Variants in C2orf92 observed in about 807,000 individuals in gnomAD.
C2orf92 encodes the protein uncharacterized protein C2orf92.
chr2:97,701,110 C>T (rs1005549940), intron 6 of C2orf92, 44 bp from the exon 7 acceptor site: 23 of 398,070 alleles, frequency 5.8e-5, no homozygotes, highest in African/African-American at 3.9e-4. Flanking sequence ...GTGGGTAGCC[C>T]GGTGGGTATC....
At chr2:97,689,652 T>C (rs1676065535) in intron 4 of C2orf92, among the ~76,000 whole-genome samples, 1 of 152,170 alleles carries the variant, frequency 6.6e-6, no homozygotes, top group African/African-American at 2.4e-5. Flanking sequence ...GTGTTGGTAT[T>C]CTGCAGACAG....
At chr2:97,671,466 A>C (rs1299632850) in intron 1 of C2orf92, 1 of 398,480 alleles carries the variant, frequency 2.5e-6, no homozygotes, top group Admixed American at 4.4e-5. Flanking sequence ...CTCAAATTCA[A>C]AAAATCCTGA....
intron 3 of C2orf92, among the ~76,000 whole-genome samples, chr2:97,683,572 A>G (rs1675855295): frequency 6.6e-6 from 1 of 151,992 alleles, no homozygotes; most frequent in African/African-American, 2.4e-5. Context: ...AAATTGCCCA[A>G]AGTGATCTGC....
At chr2:97,687,127 G>A (rs1158399376) in intron 3 of C2orf92, among the ~76,000 whole-genome samples, 2 of 151,432 alleles carry the variant, frequency 1.3e-5, no homozygotes, top group African/African-American at 4.9e-5. Flanking sequence ...CACTTTGCAA[G>A]GCTGAGGTGG....
At chr2:97,669,596 ACCAGCATAGCCC>A, upstream of C2orf92, 1 of 388,558 alleles carries the variant, frequency 2.6e-6, no homozygotes, top group Non-Finnish European at 4.5e-6. Flanking sequence ...CTTCAGGGCC[ACCAGCATAGCCC>A]CCGTCACTGT....
chr2:97,674,765 A>G (rs921301737), intron 2 of C2orf92, among the ~76,000 whole-genome samples: 1 of 152,170 alleles, frequency 6.6e-6, no homozygotes, highest in East Asian at 1.9e-4. Context: ...CAGTGTGAAT[A>G]TCCCTGTATT....
At chr2:97,679,287 AAAT>A (rs1191867261) in intron 3 of C2orf92, among the ~76,000 whole-genome samples, 2 of 152,206 alleles carry the variant, frequency 1.3e-5, no homozygotes, top group African/African-American at 4.8e-5. Context: ...TGAATGCATG[AAAT>A]AATAATTACA....
intron 1 of C2orf92, among the ~76,000 whole-genome samples, chr2:97,672,859 C>T (rs941592244): frequency 6.6e-6 from 1 of 151,956 alleles, no homozygotes; most frequent in Non-Finnish European, 1.5e-5. Flanking sequence ...TGGAAACCAC[C>T]GAGGACCAAC....
chr2:97,700,509 TC>T (rs1456297723), intron 6 of C2orf92, among the ~76,000 whole-genome samples: 1 of 152,214 alleles, frequency 6.6e-6, no homozygotes, highest in Non-Finnish European at 1.5e-5. Context: ...TGAGCTCTCC[TC>T]TGTTCTTCTC....
At chr2:97,697,423 A>T (rs1237554007) in intron 5 of C2orf92, 1 of 152,148 alleles carries the variant, frequency 6.6e-6, no homozygotes, top group Admixed American at 6.5e-5. Context: ...CAGGTCTACC[A>T]TTGCTGCAGC....
intron 1 of C2orf92, chr2:97,671,224 G>A: frequency 2.8e-6 from 1 of 356,780 alleles, no homozygotes; most frequent in Non-Finnish European, 5.0e-6. Flanking sequence ...GGCCAGGCTG[G>A]TCATGAACTC....
At chr2:97,672,845 C>T (rs980115472) in intron 1 of C2orf92, among the ~76,000 whole-genome samples, 7 of 151,832 alleles carry the variant, frequency 4.6e-5, no homozygotes, top group African/African-American at 1.7e-4. Context: ...TTACATCAAG[C>T]GAGTGGAAAC....
At chr2:97,702,599 G>A (rs915031896) in intron 7 of C2orf92, 70 bp from the exon 8 acceptor site, 17 of 398,254 alleles carry the variant, frequency 4.3e-5, no homozygotes, top group Admixed American at 1.3e-4. Flanking sequence ...CTCCACCACT[G>A]CCCAGCGAGT....
At chr2:97,680,637 A>G (rs1243599444) in intron 3 of C2orf92, among the ~76,000 whole-genome samples, 1 of 152,146 alleles carries the variant, frequency 6.6e-6, no homozygotes, top group Non-Finnish European at 1.5e-5. Flanking sequence ...ATAGAACTAG[A>G]CAGAAGAGGC....
intron 5 of C2orf92, among the ~76,000 whole-genome samples, chr2:97,696,489 C>A (rs923791160): frequency 5.3e-5 from 8 of 152,094 alleles, no homozygotes; most frequent in Non-Finnish European, 1.0e-4. Flanking sequence ...GTAATCCCAG[C>A]ACTTGGGAGG....
chr2:97,694,248 CTTT>C (rs1175002909), intron 5 of C2orf92, among the ~76,000 whole-genome samples: 2 of 142,510 alleles, frequency 1.4e-5, no homozygotes, highest in African/African-American at 2.6e-5. Flanking sequence ...TTCTTTCTTT[CTTT>C]TTTTTTTTTT....
intron 5 of C2orf92, among the ~76,000 whole-genome samples, chr2:97,698,619 AG>A (rs948586668): frequency 6.6e-6 from 1 of 152,054 alleles, no homozygotes; most frequent in African/African-American, 2.4e-5. Flanking sequence ...GGGCTTAGAG[AG>A]GTTCTCTAAG....
chr2:97,667,201 GAGTGTAGACTGTT>G (rs1318769815), upstream of C2orf92: 2 of 151,672 alleles, frequency 1.3e-5, no homozygotes, highest in African/African-American at 4.8e-5. Context: ...AGCAGACACC[GAGTGTAGACTGTT>G]ATATGCATGA....
chr2:97,696,534 G>A lies in C2orf92; in HGVS notation c.404-2492G>A, dbSNP rs112719941. Among the ~76,000 whole-genome samples, 1,433 of 152,286 alleles carry A rather than the reference G, an allele frequency of 9.4e-3. 32 individuals are homozygous for A. The highest frequency in any genetic ancestry group is 0.032 in the African/African-American group (1,339 of 41,556). ...GTGGATCACCTGAGGTCAGGAGTTC[G>A]AGATTAGCCTGGCCAACATGGTGAA... On this transcript the variant is annotated intron_variant, in intron 5 of 7. Coordinates refer to ENST00000627399, the MANE Select transcript of C2orf92 (RefSeq NM_001351368.2).
Sources: allele counts gnomAD v4.1 joint callset (sites outside exome capture counted in the v4.1 genomes callset), GRCh38; gene constraint gnomAD v4.1.1; transcripts MANE v1.5; gene names NCBI Gene and HGNC (gene_info 2026-07-23, HGNC 2026-07-21).